Variants in SLC35F2 observed in about 807,000 individuals in gnomAD.
SLC35F2 encodes solute carrier family 35 member F2, also known as queuine/queuosine transporter SLC35F2.
In SLC35F2, 25 loss-of-function variants were observed where a neutral mutation model predicts 38.1. That is an observed-to-expected ratio of 0.66 (90% CI 0.48 to 0.92). The LOEUF (loss-of-function observed/expected upper bound fraction) is 0.92. Ranked by LOEUF, SLC35F2 falls within the 40% of genes least tolerant of loss-of-function variation. SLC35F2 has a pLI of 0.00. For synonymous variants in SLC35F2, 173 were observed against 181.7 expected (o/e 0.95, Z 0.38); for missense variants, 409 against 452.9 (o/e 0.90, Z 0.88).
At chr11:107,803,407 T>G (rs543501959) in intron 6 of SLC35F2, 1 of 985,394 alleles carries the variant, frequency 1.0e-6, no homozygotes, top group African/African-American at 1.7e-5. Flanking sequence ...CAGAAAATCC[T>G]GCTTATGGTG....
At chr11:107,824,771 T>C (rs1014796532) in intron 1 of SLC35F2, among the ~76,000 whole-genome samples, 1 of 152,242 alleles carries the variant, frequency 6.6e-6, no homozygotes, top group Admixed American at 6.5e-5. Flanking sequence ...TTTTATTTCC[T>C]TCCTTCCTCT....
At chr11:107,838,057 ACTG>A (rs1483117322) in intron 1 of SLC35F2, among the ~76,000 whole-genome samples, 4 of 152,130 alleles carry the variant, frequency 2.6e-5, no homozygotes, top group African/African-American at 9.7e-5. Flanking sequence ...TACCATTATT[ACTG>A]CTATTTACAG....
intron 1 of SLC35F2, among the ~76,000 whole-genome samples, chr11:107,843,330 GGCCGAAGTGGGCA>G (rs1462956988): frequency 6.6e-6 from 1 of 152,128 alleles, no homozygotes; most frequent in African/African-American, 2.4e-5. Context: ...CACTTTGGGA[GGCCGAAGTGGGCA>G]GATCACCTGA....
intron 1 of SLC35F2, among the ~76,000 whole-genome samples, chr11:107,833,067 ATTTAC>A (rs1335824011): frequency 2.6e-5 from 4 of 152,106 alleles, no homozygotes; most frequent in Non-Finnish European, 4.4e-5. Context: ...AGTATTATTT[ATTTAC>A]TTATTACATT....
Position 107,849,244 on chromosome 11 carries a change from T to C in SLC35F2, c.110+9414A>G, listed in dbSNP as rs557623804. 2.6e-5 allele frequency among the ~76,000 whole-genome samples: 4 copies of C among 152,270 alleles called. No individual in the cohort carries two copies. The East Asian group carries it at 7.7e-4, about 29-fold the overall frequency. ...TTATTAGGCATCACTCTGACTTCTGTGTAGCGAGATGATTGGGGTCGGGGA... is the reference window on the plus strand; with the variant it reads ...TTATTAGGCATCACTCTGACTTCTGCGTAGCGAGATGATTGGGGTCGGGGA... On this transcript the variant is annotated intron_variant, in intron 1 of 7. Coordinates refer to ENST00000525815, the MANE Select transcript of SLC35F2 (RefSeq NM_017515.5).
intron 7 of SLC35F2, among the ~76,000 whole-genome samples, chr11:107,801,725 TTCTG>T (rs1207714364): frequency 6.6e-6 from 1 of 152,150 alleles, no homozygotes; most frequent in East Asian, 1.9e-4. Context: ...ATATACTTGG[TTCTG>T]TCTGATTATG....
chr11:107,810,872 C>A, intron 3 of SLC35F2: 1 of 981,748 alleles, frequency 1.0e-6, no homozygotes, highest in Non-Finnish European at 1.2e-6. Context: ...GTAAGAACAT[C>A]TCTGTATTTT....
chr11:107,805,674 G>A (rs1859379906), intron 4 of SLC35F2, 159 bp from the exon 5 acceptor site: 2 of 903,364 alleles, frequency 2.2e-6, no homozygotes, highest in Non-Finnish European at 2.6e-6. Flanking sequence ...GTGTGTGTAT[G>A]TGTGTGTGTG....
chr11:107,794,834 C>G (rs1335597950), intron 7 of SLC35F2, among the ~76,000 whole-genome samples: 4 of 152,158 alleles, frequency 2.6e-5, no homozygotes, highest in Non-Finnish European at 5.9e-5. Flanking sequence ...GCTCTTAGAT[C>G]TGATCAATAA....
intron 1 of SLC35F2, among the ~76,000 whole-genome samples, chr11:107,818,072 A>AAGAAAGAAAG (rs35121523): frequency 3.1e-3 from 211 of 68,372 alleles, no homozygotes; most frequent in African/African-American, 4.5e-3. Flanking sequence ...AAAAAAAAAA[A>AAGAAAGAAAG]AAAGAAAGAA....
intron 7 of SLC35F2, among the ~76,000 whole-genome samples, chr11:107,799,832 T>C (rs1349511852): frequency 6.6e-6 from 1 of 151,636 alleles, no homozygotes; most frequent in Non-Finnish European, 1.5e-5. Context: ...CCTCCCAAAG[T>C]GCAGGCGTGA....
chr11:107,847,942 T>C (rs1283513949), intron 1 of SLC35F2, among the ~76,000 whole-genome samples: 2 of 152,166 alleles, frequency 1.3e-5, no homozygotes, highest in Admixed American at 6.6e-5. Flanking sequence ...TCGAGAAGAC[T>C]GAACTCTCAC....
At chr11:107,810,297 G>C in intron 3 of SLC35F2, 1 of 985,318 alleles carries the variant, frequency 1.0e-6, no homozygotes, top group Non-Finnish European at 1.2e-6. Context: ...CAATTTCTTT[G>C]AAATTGAAAG....
At chr11:107,840,327 C>T (rs529613013) in intron 1 of SLC35F2, among the ~76,000 whole-genome samples, 34 of 152,206 alleles carry the variant, frequency 2.2e-4, no homozygotes, top group Non-Finnish European at 3.8e-4. Context: ...ATACAACCCT[C>T]CCTCTGCCCA....
At chr11:107,838,027 C>T (rs1182483523) in intron 1 of SLC35F2, among the ~76,000 whole-genome samples, 2 of 151,746 alleles carry the variant, frequency 1.3e-5, no homozygotes, top group Admixed American at 1.3e-4. Context: ...ATTTAATCCT[C>T]CCAACAATCC....
chr11:107,853,931 G>T (rs1860235091), intron 1 of SLC35F2, among the ~76,000 whole-genome samples: 1 of 151,950 alleles, frequency 6.6e-6, no homozygotes, highest in Non-Finnish European at 1.5e-5. Context: ...TAAAATATAT[G>T]AATAGGCCTG....
chr11:107,841,646 G>C (rs1294831216), intron 1 of SLC35F2, among the ~76,000 whole-genome samples: 1 of 150,772 alleles, frequency 6.6e-6, no homozygotes, highest in African/African-American at 2.4e-5. Flanking sequence ...TGTAAATTAA[G>C]ATGTTATTTT....
In SLC35F2 at chr11:107,841,693, C is replaced by T. The variant is rs563492892; in HGVS notation, c.110+16965G>A. ...ACCATCAAAAATTTTAAAGCCTGGC[C>T]GGGCGCAGTGGCTCACACTTGTAAT... On this transcript the variant is annotated intron_variant, in intron 1 of 7. Coordinates refer to ENST00000525815, the MANE Select transcript of SLC35F2 (RefSeq NM_017515.5). Among the ~76,000 whole-genome samples the T allele has an allele frequency of 2.6e-5, 4 of 152,078 alleles. No individual in the cohort carries two copies. The South Asian group carries it at 6.2e-4, about 24-fold the overall frequency.
chr11:107,811,797 G>T lies in SLC35F2; in HGVS notation c.287-3C>A. On this transcript the variant is annotated splice_region_variant and splice_polypyrimidine_tract_variant and intron_variant, in intron 2 of 7. Coordinates refer to ENST00000525815, the MANE Select transcript of SLC35F2 (RefSeq NM_017515.5). ...GATTACTAAAAGGTTATCACTGCCT[G>T]GTTGAAAGAAATATGGGTTAGTACA... 6.2e-7 allele frequency: 1 copy of T among 1,613,074 alleles called. No homozygotes were observed. Among genetic ancestry groups the T allele is most frequent in the South Asian group, 1.1e-5 (1 of 90,958 alleles).
Sources: allele counts gnomAD v4.1 joint callset (sites outside exome capture counted in the v4.1 genomes callset), GRCh38; gene constraint gnomAD v4.1.1; transcripts MANE v1.5; gene names NCBI Gene and HGNC (gene_info 2026-07-23, HGNC 2026-07-21).